The following EPHA6 variants were observed in gnomAD, a reference collection of about 807,000 sequenced individuals.
EPHA6 encodes the protein EPH receptor A6.
In EPHA6, 50 loss-of-function variants were observed where a neutral mutation model predicts 112.0. The ratio of observed to expected loss-of-function variants is 0.45; its 90% CI spans 0.36 to 0.56. The LOEUF is 0.56. EPHA6 is among the 20% of genes least tolerant of loss of function. The pLI, the probability that EPHA6 is intolerant of heterozygous loss-of-function variation, is 0.00. For synonymous variants in EPHA6, 529 were observed against 490.7 expected (o/e 1.08, Z -1.03); for missense variants, 1,280 against 1,417.4 (o/e 0.90, Z 1.56).
intron 2 of EPHA6, among the ~76,000 whole-genome samples, chr3:96,951,452 T>G (rs1262467688): frequency 3.3e-5 from 5 of 152,134 alleles, no homozygotes; most frequent in Non-Finnish European, 7.4e-5. Flanking sequence ...TTCAAGTATT[T>G]GAGAGACAAT....
chr3:96,998,027 C>T (rs1197855036), intron 3 of EPHA6, among the ~76,000 whole-genome samples: 1 of 151,954 alleles, frequency 6.6e-6, no homozygotes, highest in African/African-American at 2.4e-5. Flanking sequence ...AATTATTTTA[C>T]ACATATTTAA....
intron 8 of EPHA6, among the ~76,000 whole-genome samples, chr3:97,477,668 T>C (rs1265505913): frequency 6.6e-6 from 1 of 152,198 alleles, no homozygotes; most frequent in Non-Finnish European, 1.5e-5. Flanking sequence ...TAGTAAACTT[T>C]ATTAGGAAAA....
chr3:96,887,247 G>A (rs1200961314), intron 2 of EPHA6, among the ~76,000 whole-genome samples: 1 of 152,126 alleles, frequency 6.6e-6, no homozygotes, highest in Non-Finnish European at 1.5e-5. Flanking sequence ...TAAGGCTGAA[G>A]GCTGTTGTTC....
intron 11 of EPHA6, among the ~76,000 whole-genome samples, chr3:97,580,465 G>T (rs2093427024): frequency 6.6e-6 from 1 of 152,190 alleles, no homozygotes; most frequent in Non-Finnish European, 1.5e-5. Flanking sequence ...AACAACACCT[G>T]CTTGCTTTTT....
intron 11 of EPHA6, among the ~76,000 whole-genome samples, chr3:97,565,223 T>TATGATATG (rs1560143297): frequency 0.012 from 1,827 of 151,958 alleles, 39 homozygotes; most frequent in African/African-American, 0.041. Flanking sequence ...TCATGATTTA[T>TATGATATG]AAATCACATG....
intron 9 of EPHA6, chr3:97,481,559 G>C (rs961643674): frequency 1.5e-6 from 1 of 661,806 alleles, no homozygotes; most frequent in Non-Finnish European, 2.8e-6. Flanking sequence ...GCCGGGGCGC[G>C]GCGCGTCCGG....
chr3:97,653,127 G>A (rs2094117819), intron 14 of EPHA6, among the ~76,000 whole-genome samples: 4 of 151,804 alleles, frequency 2.6e-5, no homozygotes, highest in Admixed American at 2.0e-4. Context: ...GGATAAAAGT[G>A]CTTAGGGTCT....
chr3:97,191,865 T>G (rs2077315481), intron 3 of EPHA6, among the ~76,000 whole-genome samples: 1 of 152,126 alleles, frequency 6.6e-6, no homozygotes, highest in South Asian at 2.1e-4. Context: ...GATTGCTGGA[T>G]CATATGGCTG....
At chr3:97,474,310 A>G (rs2091309477) in intron 7 of EPHA6, among the ~76,000 whole-genome samples, 1 of 151,920 alleles carries the variant, frequency 6.6e-6, no homozygotes, top group Non-Finnish European at 1.5e-5. Flanking sequence ...ATTAATAGAT[A>G]TTATTTATTT....
chr3:96,973,365 T>C (rs1025889573), intron 2 of EPHA6, among the ~76,000 whole-genome samples: 1 of 152,166 alleles, frequency 6.6e-6, no homozygotes, highest in African/African-American at 2.4e-5. Flanking sequence ...TCTTACCCTT[T>C]TTAAAACAAA....
intron 14 of EPHA6, among the ~76,000 whole-genome samples, chr3:97,662,853 C>G (rs2107637064): frequency 6.6e-6 from 1 of 152,260 alleles, no homozygotes; most frequent in South Asian, 2.1e-4. Flanking sequence ...ATCTCTTTAC[C>G]ATTTCTGTGT....
intron 1 of EPHA6, among the ~76,000 whole-genome samples, chr3:96,864,501 C>G (rs1426946142): frequency 6.6e-6 from 1 of 151,902 alleles, no homozygotes; most frequent in African/African-American, 2.4e-5. Context: ...GACAAAGCTA[C>G]AGGGAAAGAA....
chr3:97,059,658 T>C (rs2045956508), intron 3 of EPHA6, among the ~76,000 whole-genome samples: 1 of 150,376 alleles, frequency 6.6e-6, no homozygotes, highest in African/African-American at 2.5e-5. Context: ...TTATTCCTGA[T>C]TTATTTTATT....
At chr3:97,058,817 T>G (rs1455578656) in intron 3 of EPHA6, among the ~76,000 whole-genome samples, 1 of 152,236 alleles carries the variant, frequency 6.6e-6, no homozygotes, top group Non-Finnish European at 1.5e-5. Flanking sequence ...TGAACAAGAC[T>G]TCTTAGTGAT....
chr3:97,120,527 C>T (rs2048012556), intron 3 of EPHA6, among the ~76,000 whole-genome samples: 1 of 151,770 alleles, frequency 6.6e-6, no homozygotes, highest in South Asian at 2.1e-4. Flanking sequence ...ACCACTTCTT[C>T]TAGGCAACTG....
At chr3:97,112,772 T>A (rs1247207913) in intron 3 of EPHA6, among the ~76,000 whole-genome samples, 1 of 152,172 alleles carries the variant, frequency 6.6e-6, no homozygotes, top group East Asian at 1.9e-4. Context: ...GGCTTCTTAA[T>A]GTATACTCCT....
intron 5 of EPHA6, among the ~76,000 whole-genome samples, chr3:97,355,346 C>T (rs1380449631): frequency 6.6e-6 from 1 of 151,868 alleles, no homozygotes; most frequent in Non-Finnish European, 1.5e-5. Context: ...TAAATAGAAA[C>T]AAGAAACAGT....
At chr3:96,931,736 C>T (rs549791657) in intron 2 of EPHA6, among the ~76,000 whole-genome samples, 1 of 152,324 alleles carries the variant, frequency 6.6e-6, no homozygotes, top group South Asian at 2.1e-4. Context: ...TCGCCATTGG[C>T]TGGCTGGAAT....
chr3:96,818,847 T>C (rs2033021295), intron 1 of EPHA6, among the ~76,000 whole-genome samples: 1 of 151,954 alleles, frequency 6.6e-6, no homozygotes, highest in African/African-American at 2.4e-5. Context: ...ATAAACTATT[T>C]ATAGTTGTAA....
Sources: allele counts gnomAD v4.1 joint callset (sites outside exome capture counted in the v4.1 genomes callset), GRCh38; gene constraint gnomAD v4.1.1; transcripts MANE v1.5; gene names NCBI Gene and HGNC (gene_info 2026-07-23, HGNC 2026-07-21).